Variants in NUP93 observed in about 807,000 individuals in gnomAD.
NUP93 encodes nucleoporin 93.
NUP93 carries 55 observed loss-of-function variants against 107.8 expected under a neutral mutation model. That is an observed-to-expected ratio of 0.51 (90% CI 0.41 to 0.64). The LOEUF is 0.64. Among genes scored for constraint, NUP93 ranks in the 30% least tolerant of loss-of-function variants. NUP93 has a pLI of 0.00. For missense variants in NUP93, 937 were observed against 1,044.7 expected (o/e 0.90, Z 1.42); for synonymous variants, 390 against 397.5 (o/e 0.98, Z 0.22).
Position 56,833,227 on chromosome 16 carries a change from T to G in NUP93, c.1358T>G (p.Phe453Cys). Residue 453 changes from phenylalanine to cysteine, a missense_variant, in exon 13 of 22, where the codon TTT (phenylalanine) becomes TGT (cysteine). Transcript: ENST00000308159. ...QLLEDYGESH[F>C]TVNQQPFLYF... ...TCCTCTCTCCCAGGCGAGTCCCACT[T>G]TACGGTGAACCAGCAACCCTTCCTC... 1 of 1,598,474 alleles carries G rather than the reference T, an allele frequency of 6.3e-7. No homozygotes were observed. The highest frequency in any genetic ancestry group is 8.5e-7 in the Non-Finnish European group (1 of 1,174,484).
intron 1 of NUP93, among the ~76,000 whole-genome samples, chr16:56,742,598 C>T (rs1567372940): frequency 6.6e-6 from 1 of 152,234 alleles, no homozygotes; most frequent in Non-Finnish European, 1.5e-5. Context: ...GAACTATTCA[C>T]TACCTGTCCT....
intron 3 of NUP93, among the ~76,000 whole-genome samples, chr16:56,788,541 C>T (rs1962679933): frequency 6.6e-6 from 1 of 152,214 alleles, no homozygotes; most frequent in African/African-American, 2.4e-5. Flanking sequence ...AACTTGTTTG[C>T]ACTCCATACG....
chr16:56,829,406 G>A (rs1963735077), intron 9 of NUP93, among the ~76,000 whole-genome samples: 1 of 152,160 alleles, frequency 6.6e-6, no homozygotes, highest in African/African-American at 2.4e-5. Flanking sequence ...AGTGTGAGAG[G>A]CAGAGTCAGG....
At chr16:56,785,106 G>A (rs189729188) in intron 3 of NUP93, among the ~76,000 whole-genome samples, 78 of 152,262 alleles carry the variant, frequency 5.1e-4, no homozygotes, top group African/African-American at 1.7e-3. Flanking sequence ...CTTTTCCCTT[G>A]GTTTTTATGA....
chr16:56,762,242 G>T (rs1290985689), intron 3 of NUP93, among the ~76,000 whole-genome samples: 1 of 152,124 alleles, frequency 6.6e-6, no homozygotes, highest in African/African-American at 2.4e-5. Context: ...TCATGGATAC[G>T]TGTATTATAT....
At chr16:56,837,816 CT>C in intron 18 of NUP93, 90 bp downstream of exon 18, 2 of 906,494 alleles carry the variant, frequency 2.2e-6, no homozygotes, top group Non-Finnish European at 3.5e-6. Context: ...TTCAGCTTTA[CT>C]AGGTAACAGC....
At chr16:56,757,568 T>C (rs76293866) in intron 2 of NUP93, among the ~76,000 whole-genome samples, 3,405 of 152,314 alleles carry the variant, frequency 0.022, 69 homozygotes, top group East Asian at 0.076. Context: ...TAGATATTAG[T>C]GCAACCTTTT....
At chr16:56,783,843 C>T in intron 3 of NUP93, 1 of 985,322 alleles carries the variant, frequency 1.0e-6, no homozygotes, top group Non-Finnish European at 1.2e-6. Flanking sequence ...AGAATATTCC[C>T]AGAAAGAAAA....
intron 6 of NUP93, among the ~76,000 whole-genome samples, chr16:56,820,976 A>G (rs1278883209): frequency 6.6e-6 from 1 of 152,330 alleles, no homozygotes; most frequent in East Asian, 1.9e-4. Context: ...TAAATATCAC[A>G]TAGTTCATTT....
chr16:56,836,015 G>C (rs189049621), intron 16 of NUP93, among the ~76,000 whole-genome samples: 157 of 152,092 alleles, frequency 1.0e-3, no homozygotes, highest in African/African-American at 3.6e-3. Flanking sequence ...TGTAGTCCCA[G>C]GTGCTCGGGA....
chr16:56,805,691 T>A, intron 5 of NUP93, 59 bp downstream of exon 5: 2 of 1,529,484 alleles, frequency 1.3e-6, no homozygotes, highest in Non-Finnish European at 1.8e-6. Flanking sequence ...AAAGAATACT[T>A]GTCTACTTGA....
intron 3 of NUP93, among the ~76,000 whole-genome samples, chr16:56,774,136 G>A (rs1962370303): frequency 2.6e-5 from 4 of 152,138 alleles, no homozygotes; most frequent in Admixed American, 2.6e-4. Context: ...AGGGAAGTGG[G>A]AGGATTAATA....
chr16:56,817,433 G>T (rs1481547965), intron 5 of NUP93, among the ~76,000 whole-genome samples: 1 of 152,050 alleles, frequency 6.6e-6, no homozygotes, highest in Non-Finnish European at 1.5e-5. Flanking sequence ...TTCCCCATTG[G>T]TTTCACAGAA....
rs1964108234 is a variant in NUP93, at chr16:56,845,670, TCTG to T, written c.*1064_*1066del. On this transcript the variant is annotated 3_prime_UTR_variant, in exon 22 of 22. Coordinates refer to ENST00000308159, the MANE Select transcript of NUP93 (RefSeq NM_014669.5). ...GGAGCCTTGAGACAGTGGGCAGTGG[TCTG>T]CTCTGCTGGTTTGATGGACGGCTCC... 6.6e-6 allele frequency: 1 copy of T among 152,184 alleles called. No individual in the cohort carries two copies. The highest frequency in any genetic ancestry group is 2.4e-5 in the African/African-American group (1 of 41,436). 9.4% of individuals were successfully genotyped at this position (152,184 alleles called of 1,614,324 possible).
chr16:56,760,241 C>G (rs1962098652), intron 3 of NUP93, among the ~76,000 whole-genome samples: 1 of 152,146 alleles, frequency 6.6e-6, no homozygotes, highest in African/African-American at 2.4e-5. Context: ...AAAAGTTCAC[C>G]TCTTGGCCAG....
chr16:56,738,141 T>A (rs1961642198), intron 1 of NUP93, among the ~76,000 whole-genome samples: 2 of 152,194 alleles, frequency 1.3e-5, no homozygotes, highest in African/African-American at 4.8e-5. Flanking sequence ...CATTTGTAAA[T>A]TCTTTAAGGT....
Position 56,823,833 on chromosome 16 carries a change from T to A in NUP93, c.781T>A (p.Tyr261Asn). 6.2e-7 allele frequency: 1 copy of A among 1,613,964 alleles called. No homozygotes were observed. Among genetic ancestry groups the A allele is most frequent in the Non-Finnish European group, 8.5e-7 (1 of 1,179,986 alleles). The change falls in exon 8 of 22, where the codon TAC (tyrosine) becomes AAC (asparagine). Residue 261 changes from tyrosine (Y) to asparagine (N), a missense_variant. Coordinates refer to ENST00000308159, the MANE Select transcript of NUP93 (RefSeq NM_014669.5). ...GGAGTTTGTCAGGCAGGCCTTGGCGTACCTTGAGCAGAGGTAAGGCAGCAG... is the reference window on the plus strand; with the variant it reads ...GGAGTTTGTCAGGCAGGCCTTGGCGAACCTTGAGCAGAGGTAAGGCAGCAG... The part of the protein sequence containing the change: ...RMEFVRQALA[Y>N]LEQSYKNYTL...
At chr16:56,815,261 C>T (rs900051132) in intron 5 of NUP93, among the ~76,000 whole-genome samples, 11 of 152,172 alleles carry the variant, frequency 7.2e-5, no homozygotes, top group Non-Finnish European at 1.3e-4. Flanking sequence ...GACTAGGTTT[C>T]TGGAATTAAC....
In NUP93 at chr16:56,805,797, A is replaced by G. The variant is rs115678808; in HGVS notation, c.489+165A>G. The G allele has an allele frequency of 1.7e-3, 1,164 of 686,204 alleles. 12 individuals are homozygous for G. In the African/African-American group the frequency reaches 0.019, roughly 11 times the overall value. The allele number at this position is 686,204 out of a possible 1,614,324, so 42.5% of individuals were successfully genotyped here. ...CGCATTTGCCTGGACTTCCTCCAAC[A>G]TGTCTGCCTGCTTCGTCTCAGTCTC... On this transcript the variant is annotated intron_variant, in intron 5 of 21. Coordinates refer to ENST00000308159, the MANE Select transcript of NUP93 (RefSeq NM_014669.5).
Sources: gnomAD v4.1 joint callset for allele counts (sites outside exome capture counted in the v4.1 genomes callset) on GRCh38, gnomAD v4.1.1 for gene constraint, MANE v1.5 for transcripts, NCBI Gene and HGNC (gene_info 2026-07-23, HGNC 2026-07-21) for gene names.